Variants in CACNG2 observed in about 807,000 individuals in gnomAD.
CACNG2 encodes voltage-dependent calcium channel gamma-2 subunit.
CACNG2 carries 3 observed loss-of-function variants against 25.9 expected under a neutral mutation model. The observed-to-expected ratio is 0.12, with a 90% CI of 0.05 to 0.30. The LOEUF (loss-of-function observed/expected upper bound fraction) is 0.30, where lower values mean the gene tolerates loss of function less well. Among genes scored for constraint, CACNG2 ranks in the 10% least tolerant of loss-of-function variants. The pLI, the probability that CACNG2 is intolerant of heterozygous loss-of-function variation, is 1.00. For synonymous variants in CACNG2, 167 were observed against 173.3 expected (o/e 0.96, Z 0.29); for missense variants, 341 against 432.5 (o/e 0.79, Z 1.88).
At chr22:36,590,859 T>A (rs1935580575) in intron 1 of CACNG2, among the ~76,000 whole-genome samples, 1 of 152,048 alleles carries the variant, frequency 6.6e-6, no homozygotes, top group Admixed American at 6.5e-5. Context: ...TCTGCCTTCT[T>A]TCCTGCCATG....
chr22:36,670,201 T>C (rs1300593755), intron 1 of CACNG2, among the ~76,000 whole-genome samples: 1 of 152,194 alleles, frequency 6.6e-6, no homozygotes, highest in African/African-American at 2.4e-5. Flanking sequence ...CTGGGCTAGA[T>C]GCAGATGGGC....
intron 1 of CACNG2, among the ~76,000 whole-genome samples, chr22:36,644,911 T>C (rs906562542): frequency 1.3e-5 from 2 of 152,182 alleles, no homozygotes; most frequent in Non-Finnish European, 2.9e-5. Flanking sequence ...AGTTACTTCA[T>C]GCCATAGGAT....
rs768099799 is a variant in CACNG2 at position 36,564,685 on chromosome 22, C to A, written c.638G>T (p.Arg213Leu). ...DRHKQLRATA[R>L]ATDYLQASAI... ...AGAGGCCTGGAGGTAGTCCGTGGCG[C>A]GGGCCGTGGCCCGCAGCTGTTTGTG... Residue 213 changes from arginine (R) to leucine (L), a missense_variant, in exon 4 of 4, where the codon CGC becomes CTC. By Grantham distance (102) the Arg-to-Leu change is moderately radical. This residue lies in a region of CACNG2 where 172 missense variants were observed against 178.1 expected (regional missense o/e 0.97). Coordinates refer to ENST00000300105, the MANE Select transcript of CACNG2 (RefSeq NM_006078.5). This position sits in a 1 kb window ranked among gnomAD's most constrained non-coding sequence, Gnocchi z 6.7. 2.5e-6 allele frequency: 4 copies of A among 1,613,842 alleles called. No individual in the cohort carries two copies. Among genetic ancestry groups the A allele is most frequent in the Non-Finnish European group, 3.4e-6 (4 of 1,179,930 alleles).
At chr22:36,592,878 T>C (rs1935618061) in intron 1 of CACNG2, among the ~76,000 whole-genome samples, 1 of 152,110 alleles carries the variant, frequency 6.6e-6, no homozygotes, top group Non-Finnish European at 1.5e-5. Flanking sequence ...GGGCCGGGAA[T>C]GGGAAGGTAG....
intron 1 of CACNG2, among the ~76,000 whole-genome samples, chr22:36,690,925 T>C (rs1180791930): frequency 6.6e-6 from 1 of 152,266 alleles, no homozygotes; most frequent in East Asian, 1.9e-4. Flanking sequence ...TGCTTTGTGA[T>C]GGGGCCTCTG....
intron 1 of CACNG2, among the ~76,000 whole-genome samples, chr22:36,609,391 GC>G: frequency 1.3e-5 from 1 of 77,276 alleles, no homozygotes; most frequent in East Asian, 5.2e-4. Context: ...GCAGGAATCA[GC>G]CCCCCAGAGC....
chr22:36,587,564 A>T lies in CACNG2; in HGVS notation c.212-16T>A. The T allele has an allele frequency of 1.3e-6, 2 of 1,585,372 alleles. No homozygotes were observed. Among genetic ancestry groups the T allele is most frequent in the Non-Finnish European group, 1.7e-6 (2 of 1,153,694 alleles). ...TTGAAATTCCCTGCAAAACAAGGGGAGAAGGAGCACATGAAACATCATAGT... is the reference window on the plus strand; with the variant it reads ...TTGAAATTCCCTGCAAAACAAGGGGTGAAGGAGCACATGAAACATCATAGT... On this transcript the variant is annotated splice_polypyrimidine_tract_variant and intron_variant, in intron 1 of 3. Transcript: ENST00000300105.
chr22:36,647,798 C>T (rs1304724700), intron 1 of CACNG2, among the ~76,000 whole-genome samples: 1 of 152,174 alleles, frequency 6.6e-6, no homozygotes, highest in African/African-American at 2.4e-5. Flanking sequence ...GCTAGTTAAG[C>T]CTTGAGTCAC....
In CACNG2 at chr22:36,579,170, C is replaced by T. The variant is rs563357949; in HGVS notation, c.295+8295G>A. Among the ~76,000 whole-genome samples, 30 of 152,088 alleles carry T rather than the reference C, an allele frequency of 2.0e-4. 1 individual carries two copies. In the South Asian group the frequency reaches 4.4e-3, roughly 22 times the overall value. ...CTGTAATCCCAGCACTTTGGGAAGC[C>T]GAGGTGGGTGGATCACCTGAGGTCA... On this transcript the variant is annotated intron_variant, in intron 2 of 3. Transcript: ENST00000300105.
intron 1 of CACNG2, among the ~76,000 whole-genome samples, chr22:36,673,336 A>G (rs927480349): frequency 2.0e-5 from 3 of 152,216 alleles, no homozygotes; most frequent in Non-Finnish European, 4.4e-5. Context: ...GCAATTGATC[A>G]AGCTGAGTAG....
chr22:36,682,494 C>T (rs41310252), intron 1 of CACNG2, among the ~76,000 whole-genome samples: 1 of 119,742 alleles, frequency 8.4e-6, no homozygotes, highest in South Asian at 3.5e-4. Flanking sequence ...CCCCTCCCCC[C>T]ACCCCACTCC....
At chr22:36,673,884 C>T (rs1355226310) in intron 1 of CACNG2, among the ~76,000 whole-genome samples, 1 of 152,200 alleles carries the variant, frequency 6.6e-6, no homozygotes, top group Non-Finnish European at 1.5e-5. Flanking sequence ...AACACTCAGG[C>T]AGGCAGGAGA....
chr22:36,670,276 T>C (rs1403802756), intron 1 of CACNG2, among the ~76,000 whole-genome samples: 1 of 152,210 alleles, frequency 6.6e-6, no homozygotes, highest in African/African-American at 2.4e-5. Context: ...GGCCAGTTCA[T>C]TTTTTGAAAC....
chr22:36,612,977 T>C (rs1201785543), intron 1 of CACNG2, among the ~76,000 whole-genome samples: 2 of 152,174 alleles, frequency 1.3e-5, no homozygotes, highest in East Asian at 1.9e-4. Context: ...TAAGAGGAGA[T>C]ACAAAATAAA....
intron 2 of CACNG2, among the ~76,000 whole-genome samples, chr22:36,576,450 C>T (rs961001031): frequency 1.3e-5 from 2 of 151,776 alleles, no homozygotes; most frequent in African/African-American, 4.8e-5. Flanking sequence ...ATGATGGGTG[C>T]ACCACAATCT....
At chr22:36,677,869 A>T (rs1352452452) in intron 1 of CACNG2, among the ~76,000 whole-genome samples, 1 of 152,332 alleles carries the variant, frequency 6.6e-6, no homozygotes, top group African/African-American at 2.4e-5. Context: ...CCAAGTAGCC[A>T]ATAGGAGTTC....
intron 1 of CACNG2, among the ~76,000 whole-genome samples, chr22:36,613,694 A>G (rs529125900): frequency 2.0e-5 from 3 of 151,818 alleles, no homozygotes; most frequent in African/African-American, 7.3e-5. Context: ...ACAAGTCTTT[A>G]TATACAACCC....
intron 1 of CACNG2, among the ~76,000 whole-genome samples, chr22:36,681,657 A>G (rs1053288306): frequency 1.3e-5 from 2 of 152,120 alleles, no homozygotes; most frequent in Non-Finnish European, 1.5e-5. Context: ...GCTGAAGTAA[A>G]GTTGACCATT....
intron 1 of CACNG2, among the ~76,000 whole-genome samples, chr22:36,686,016 G>A (rs1937191988): frequency 2.0e-5 from 3 of 152,206 alleles, no homozygotes; most frequent in Admixed American, 2.0e-4. Flanking sequence ...TGTCTCAAGG[G>A]CTTTGCCACC....
Sources: allele counts gnomAD v4.1 joint callset (sites outside exome capture counted in the v4.1 genomes callset), GRCh38; gene constraint gnomAD v4.1.1; regional missense constraint gnomAD v4.1.1; non-coding constraint Gnocchi (gnomAD v3.1); transcripts MANE v1.5; gene names NCBI Gene and HGNC (gene_info 2026-07-23, HGNC 2026-07-21).